The following EMILIN2 variants were observed in gnomAD, a reference collection of about 807,000 sequenced individuals.
EMILIN2 encodes the protein EMILIN-2.
Under a neutral mutation model 87.1 loss-of-function variants are expected in EMILIN2, and 71 were observed. The ratio of observed to expected loss-of-function variants is 0.82; its 90% CI spans 0.67 to 0.99. EMILIN2 has a LOEUF of 0.99. Among genes scored for constraint, EMILIN2 ranks in the 50% least tolerant of loss-of-function variants. EMILIN2 has a pLI of 0.00. For missense variants in EMILIN2, 1,407 were observed against 1,371.8 expected (o/e 1.03, Z -0.40); for synonymous variants, 581 against 563.4 (o/e 1.03, Z -0.44).
chr18:2,908,808 C>A lies in EMILIN2; in HGVS notation c.2663-135C>A. 2.9e-6 allele frequency: 3 copies of A among 1,038,064 alleles called. 1 individual carries two copies. The South Asian group carries it at 3.9e-5, about 14-fold the overall frequency. The allele number at this position is 1,038,064 out of a possible 1,614,324, so 64.3% of individuals were successfully genotyped here. ...GAAGGAGGGCAGTGACAGTGGGTGCCCTTGTTCTATGTCTGTTTCTATAGT... is the reference window on the plus strand; with the variant it reads ...GAAGGAGGGCAGTGACAGTGGGTGCACTTGTTCTATGTCTGTTTCTATAGT... On this transcript the variant is annotated intron_variant, in intron 5 of 7. Transcript: ENST00000254528.
intron 3 of EMILIN2, among the ~76,000 whole-genome samples, chr18:2,889,610 CTTTTGGA>C (rs1348811305): frequency 1.3e-5 from 2 of 149,488 alleles, no homozygotes; most frequent in African/African-American, 2.5e-5. Context: ...TTGTTTCTTT[CTTTTGGA>C]TTTTTTCCTT....
intron 5 of EMILIN2, among the ~76,000 whole-genome samples, chr18:2,907,329 G>A (rs1441855435): frequency 6.6e-6 from 1 of 152,232 alleles, no homozygotes; most frequent in South Asian, 2.1e-4. Context: ...GGCCCCGCCG[G>A]TTGGAGTACG....
chr18:2,876,576 C>A (rs1440631530), intron 2 of EMILIN2, among the ~76,000 whole-genome samples: 2 of 137,806 alleles, frequency 1.5e-5, no homozygotes, highest in Non-Finnish European at 3.2e-5. Flanking sequence ...ACCATCCTGG[C>A]TAACACGGTG....
chr18:2,905,913 C>T (rs113921553), intron 4 of EMILIN2, among the ~76,000 whole-genome samples: 9 of 152,190 alleles, frequency 5.9e-5, no homozygotes, highest in African/African-American at 1.9e-4. Context: ...CGTGAGCCAC[C>T]GCGCCCGGCC....
chr18:2,848,607 A>G lies in EMILIN2; in HGVS notation c.257+676A>G, dbSNP rs1225058986. Among the ~76,000 whole-genome samples the G allele has an allele frequency of 6.7e-6, 1 of 149,794 alleles. No individual in the cohort carries two copies. The highest frequency in any genetic ancestry group is 1.5e-5 in the Non-Finnish European group (1 of 67,956). ...TTTCCCCATCTTAAAAAAAAAAAAA[A>G]ACAGGAAGCAATGCAATAAAGTACA... On this transcript the variant is annotated intron_variant, in intron 2 of 7. Transcript: ENST00000254528. The surrounding 1 kb of genome is among the most constrained non-coding windows in gnomAD (Gnocchi z 4.1).
At chr18:2,900,111 C>T (rs570235672) in intron 4 of EMILIN2, among the ~76,000 whole-genome samples, 3 of 141,038 alleles carry the variant, frequency 2.1e-5, no homozygotes, top group African/African-American at 7.9e-5. Flanking sequence ...CAACACAGTG[C>T]TCCCTCTTAT....
rs2076581140 is a variant in EMILIN2, at chr18:2,847,486, G to A, written c.134+164G>A. Among the ~76,000 whole-genome samples, 1 of 152,184 alleles carries A rather than the reference G, an allele frequency of 6.6e-6. No individual in the cohort carries two copies. The highest frequency in any genetic ancestry group is 1.9e-4 in the East Asian group (1 of 5,182). ...GGGGACCGCGCGCTCCGCAGCCGGC[G>A]CCTCAGGCAGAGCTGACTCCGGGGG... On this transcript the variant is annotated intron_variant, in intron 1 of 7. Coordinates refer to ENST00000254528, the MANE Select transcript of EMILIN2 (RefSeq NM_032048.3). The surrounding 1 kb of genome is among the most constrained non-coding windows in gnomAD (Gnocchi z 4.5).
intron 2 of EMILIN2, among the ~76,000 whole-genome samples, chr18:2,874,569 T>C (rs9303913): frequency 0.014 from 2,183 of 152,272 alleles, 53 homozygotes; most frequent in African/African-American, 0.05. Flanking sequence ...AGAAACACCA[T>C]GCCCCTTCTG....
chr18:2,892,869 T>C (rs893269275), intron 4 of EMILIN2, among the ~76,000 whole-genome samples: 1 of 146,918 alleles, frequency 6.8e-6, no homozygotes, highest in African/African-American at 2.5e-5. Flanking sequence ...CTGGCCAACA[T>C]GGCGAAAATC....
rs1318806328 is a variant in EMILIN2 at position 2,880,022 on chromosome 18, T to A, written c.258-4942T>A. ...GTGCCCAGCCTAGTATATTAATTTT[T>A]AAAAATGGGATGTTATAGTGAACAA... On this transcript the variant is annotated intron_variant, in intron 2 of 7. Transcript: ENST00000254528. The surrounding 1 kb of genome is among the most constrained non-coding windows in gnomAD (Gnocchi z 4.1). 1.8e-4 allele frequency among the ~76,000 whole-genome samples: 27 copies of A among 152,190 alleles called. No homozygotes were observed. The highest frequency in any genetic ancestry group is 1.8e-3 in the Admixed American group (27 of 15,282).
At chr18:2,905,353 A>T (rs2076905423) in intron 4 of EMILIN2, among the ~76,000 whole-genome samples, 1 of 146,604 alleles carries the variant, frequency 6.8e-6, no homozygotes, top group African/African-American at 2.5e-5. Context: ...TTATTTTTTT[A>T]ATTTTTAGTT....
intron 2 of EMILIN2, among the ~76,000 whole-genome samples, chr18:2,858,569 A>ATGTGTGTGTGTGTG (rs1178571289): frequency 5.4e-5 from 3 of 55,376 alleles, no homozygotes; most frequent in Admixed American, 2.4e-4. Context: ...ATATATATAT[A>ATGTGTGTGTGTGTG]TGTGTGTGTG....
intron 7 of EMILIN2, among the ~76,000 whole-genome samples, chr18:2,911,000 T>TG (rs2076938018): frequency 6.6e-6 from 1 of 152,162 alleles, no homozygotes; most frequent in Non-Finnish European, 1.5e-5. Flanking sequence ...CAGTGGCCTT[T>TG]GGGGTCAGTA....
At chr18:2,885,279 G>A (rs936465057) in intron 3 of EMILIN2, 140 bp downstream of exon 3, 2 of 917,166 alleles carry the variant, frequency 2.2e-6, no homozygotes, top group African/African-American at 3.4e-5. Flanking sequence ...GTAGCCACAT[G>A]TGACAAATTT....
At position 2,847,698 on chromosome 18, in the gene EMILIN2, G is replaced by A. The variant is rs1406466366; in HGVS notation, c.135-111G>A. On this transcript the variant is annotated intron_variant, in intron 1 of 7. Coordinates refer to ENST00000254528, the MANE Select transcript of EMILIN2 (RefSeq NM_032048.3). The surrounding 1 kb of genome is among the most constrained non-coding windows in gnomAD (Gnocchi z 4.5). ...TGAAGCTCCCGCCTCCGCAGAGGGC[G>A]ACGGGCCCCCCCGACCCTCGCTCGG... is the stretch of plus-strand genomic sequence containing the variant. 4 of 1,464,520 alleles carry A rather than the reference G, an allele frequency of 2.7e-6. No homozygotes were observed. The highest frequency in any genetic ancestry group is 2.4e-5 in the Admixed American group (1 of 42,536). The allele number at this position is 1,464,520 out of a possible 1,614,324, so 90.7% of individuals were successfully genotyped here.
At chr18:2,889,072 A>G (rs2076817859) in intron 3 of EMILIN2, among the ~76,000 whole-genome samples, 1 of 150,598 alleles carries the variant, frequency 6.6e-6, no homozygotes. Flanking sequence ...TGTCAGTGTT[A>G]ACCTCTTTCA....
chr18:2,856,103 G>A (rs952728270), intron 2 of EMILIN2, among the ~76,000 whole-genome samples: 21 of 152,248 alleles, frequency 1.4e-4, no homozygotes, highest in African/African-American at 4.6e-4. Flanking sequence ...AGCCGGGCAC[G>A]GTAGTATGTT....
intron 4 of EMILIN2, among the ~76,000 whole-genome samples, chr18:2,896,132 T>C (rs570107752): frequency 5.3e-5 from 8 of 152,224 alleles, no homozygotes; most frequent in African/African-American, 1.9e-4. Flanking sequence ...GGCATATATA[T>C]ATATAGCATA....
At chr18:2,903,964 T>C (rs1044368197) in intron 4 of EMILIN2, among the ~76,000 whole-genome samples, 3 of 152,224 alleles carry the variant, frequency 2.0e-5, no homozygotes, top group Non-Finnish European at 4.4e-5. Flanking sequence ...TACTCCCTTG[T>C]TTCAGTAGTG....
Sources: allele counts gnomAD v4.1 joint callset (sites outside exome capture counted in the v4.1 genomes callset), GRCh38; gene constraint gnomAD v4.1.1; non-coding constraint Gnocchi (gnomAD v3.1); transcripts MANE v1.5; gene names NCBI Gene and HGNC (gene_info 2026-07-23, HGNC 2026-07-21).